The following ADCY5 variants were observed in gnomAD, a reference collection of about 807,000 sequenced individuals.
ADCY5 encodes adenylate cyclase type 5.
In ADCY5, 30 loss-of-function variants were observed where a neutral mutation model predicts 119.7. The observed-to-expected ratio is 0.25, with a 90% CI of 0.19 to 0.34. The LOEUF is 0.34. ADCY5 is among the 10% of genes least tolerant of loss of function. The probability of loss-of-function intolerance (pLI) is 1.00; values close to 1 mark genes in which losing one functional copy is unlikely to be tolerated. For synonymous variants in ADCY5, 753 were observed against 762.2 expected (o/e 0.99, Z 0.20); for missense variants, 1,324 against 1,775.2 (o/e 0.75, Z 4.57).
At chr3:123,418,337 T>A (rs1945228502) in intron 1 of ADCY5, among the ~76,000 whole-genome samples, 1 of 152,228 alleles carries the variant, frequency 6.6e-6, no homozygotes. Flanking sequence ...AGAAAATCGC[T>A]GCCTTAGTAC....
At chr3:123,291,471 C>T (rs1939145455) in intron 17 of ADCY5, 95 bp from the exon 18 acceptor site, 1 of 1,478,416 alleles carries the variant, frequency 6.8e-7, no homozygotes, top group Non-Finnish European at 9.1e-7. Context: ...AGAAAAAGCA[C>T]CAGTCACGCA....
At chr3:123,298,152 A>T (rs1939634254) in intron 15 of ADCY5, among the ~76,000 whole-genome samples, 2 of 152,144 alleles carry the variant, frequency 1.3e-5, no homozygotes, top group Admixed American at 1.3e-4. Flanking sequence ...GGTGCATGCC[A>T]CCACACCTGG....
rs1240856266 is a variant in ADCY5 at position 123,425,460 on chromosome 3, G to A, written c.1134+21952C>T. 2.6e-5 allele frequency among the ~76,000 whole-genome samples: 4 copies of A among 152,308 alleles called. No individual in the cohort carries two copies. The East Asian group carries it at 7.7e-4, about 29-fold the overall frequency. The stretch of plus-strand genomic sequence containing the variant: ...TGAGGCCTCTGGTGGTCTGTGGGTG[G>A]TTTCATTGTGTTCCACTGCATGTGT... On this transcript the variant is annotated intron_variant, in intron 1 of 20. Coordinates refer to ENST00000462833, the MANE Select transcript of ADCY5 (RefSeq NM_183357.3).
chr3:123,420,535 T>C (rs768933422), intron 1 of ADCY5, among the ~76,000 whole-genome samples: 6 of 152,160 alleles, frequency 3.9e-5, no homozygotes, highest in Non-Finnish European at 7.4e-5. Flanking sequence ...GCCCTACAGA[T>C]GGCCGCATCT....
intron 2 of ADCY5, among the ~76,000 whole-genome samples, chr3:123,348,143 C>T (rs1199134669): frequency 6.6e-6 from 1 of 151,730 alleles, no homozygotes; most frequent in Non-Finnish European, 1.5e-5. Flanking sequence ...ATCCTTCCGC[C>T]TCCCTCGCCA....
chr3:123,382,309 C>T (rs1944059161), intron 1 of ADCY5, among the ~76,000 whole-genome samples: 2 of 152,170 alleles, frequency 1.3e-5, no homozygotes, highest in Non-Finnish European at 2.9e-5. Context: ...AACCTCCAGG[C>T]ATTGCTGGTG....
rs781485304 is a variant in ADCY5 at position 123,318,064 on chromosome 3, G to A, written c.2310C>T (p.Leu770=). 7.4e-6 allele frequency: 12 copies of A among 1,613,902 alleles called. No homozygotes were observed. The highest frequency in any genetic ancestry group is 1.1e-5 in the South Asian group (1 of 91,056). The stretch of plus-strand genomic sequence containing the variant: ...GGACAAAGCAGATGAAGAGGAAGAC[G>A]AGCGAGGCACACGCCACATAGGCAC... The part of the protein sequence containing the change: ...RFGAYVACAS[L]VFLFICFVQI... The change falls in exon 11 of 21, where the codon CTC becomes CTT. Residue 770 remains leucine, a synonymous_variant. Coordinates refer to ENST00000462833, the MANE Select transcript of ADCY5 (RefSeq NM_183357.3).
At chr3:123,395,911 G>C (rs1381769289) in intron 1 of ADCY5, among the ~76,000 whole-genome samples, 1 of 146,180 alleles carries the variant, frequency 6.8e-6, no homozygotes, top group Non-Finnish European at 1.5e-5. Flanking sequence ...GAGAGAAAGA[G>C]AGAAAGAAAG....
At chr3:123,413,058 G>A (rs531675943) in intron 1 of ADCY5, among the ~76,000 whole-genome samples, 3 of 152,304 alleles carry the variant, frequency 2.0e-5, no homozygotes, top group South Asian at 2.1e-4. Flanking sequence ...GCAGACACAG[G>A]CTTCATGACG....
At position 123,303,167 on chromosome 3, in the gene ADCY5, ATGT is replaced by A. The variant is rs1224616710; in HGVS notation, c.2609_2611del (p.Asn870del). 2 of 1,613,686 alleles carry A rather than the reference ATGT, an allele frequency of 1.2e-6. No individual in the cohort carries two copies. The highest frequency in any genetic ancestry group is 1.7e-6 in the Non-Finnish European group (2 of 1,180,020). Reference sequence around the variant, plus strand: ...ACACGCGTTGACCTGGCTCGCGCTGATGTTGTGCTCCTGTGCCAAGCAGCCCAG... The same window carrying A: ...ACACGCGTTGACCTGGCTCGCGCTGATGTGCTCCTGTGCCAAGCAGCCCAG... On this transcript the variant is annotated inframe_deletion, in exon 14 of 21. Transcript: ENST00000462833.
intron 5 of ADCY5, among the ~76,000 whole-genome samples, chr3:123,329,454 C>T (rs549603554): frequency 1.4e-3 from 211 of 152,256 alleles, no homozygotes; most frequent in African/African-American, 4.8e-3. Context: ...GCAGGCCCTC[C>T]GTATGCACTT....
At chr3:123,422,202 A>G (rs1945315371) in intron 1 of ADCY5, among the ~76,000 whole-genome samples, 1 of 152,168 alleles carries the variant, frequency 6.6e-6, no homozygotes, top group African/African-American at 2.4e-5. Context: ...TTCTCTCGGC[A>G]AAGTGGCACC....
intron 5 of ADCY5, among the ~76,000 whole-genome samples, chr3:123,330,179 G>A (rs550614312): frequency 3.9e-5 from 6 of 152,288 alleles, no homozygotes; most frequent in Admixed American, 1.3e-4. Context: ...CCAAACCAAC[G>A]GACCCGGCTG....
rs77636820 is a variant in ADCY5 at position 123,312,240 on chromosome 3, A to T, written c.2442+1995T>A. ...ATGCGCAGCTTTGATTCTGATTTGA[A>T]TGGGCTAATTAAGTACCTGAAAGAA... On this transcript the variant is annotated intron_variant, in intron 12 of 20. Transcript: ENST00000462833. 6.8e-3 allele frequency among the ~76,000 whole-genome samples: 1,039 copies of T among 152,350 alleles called. 18 individuals are homozygous for T. Among genetic ancestry groups the T allele is most frequent in the African/African-American group, 0.024 (996 of 41,584 alleles).
At chr3:123,439,628 C>T (rs1376756836) in intron 1 of ADCY5, among the ~76,000 whole-genome samples, 1 of 121,958 alleles carries the variant, frequency 8.2e-6, no homozygotes, top group Non-Finnish European at 1.7e-5. Context: ...CGATTTTAGG[C>T]ATCCACTGGG....
rs778683044 is a variant in ADCY5, at chr3:123,325,412, G to A, written c.1998C>T (p.Ser666=). The A allele has an allele frequency of 3.3e-5, 53 of 1,614,070 alleles. No individual in the cohort carries two copies. The highest frequency in any genetic ancestry group is 1.2e-5 in the Non-Finnish European group (14 of 1,180,030). ...IAKMNRQRTN[S]IGHNPPHWGA... ...CCCAGTGTGGTGGGTTGTGCCCGAT[G>A]GAGTTGGTTCTCTGGCGGTTCATCT... The change falls in exon 8 of 21, where the codon TCC becomes TCT. Residue 666 remains serine (S), a synonymous_variant. Coordinates refer to ENST00000462833, the MANE Select transcript of ADCY5 (RefSeq NM_183357.3).
chr3:123,423,414 C>G (rs920774959), intron 1 of ADCY5, among the ~76,000 whole-genome samples: 1 of 152,226 alleles, frequency 6.6e-6, no homozygotes, highest in Non-Finnish European at 1.5e-5. Context: ...CCAGCTACAG[C>G]CTTGAGGCCT....
At chr3:123,297,087 A>G in intron 16 of ADCY5, 2 of 1,517,048 alleles carry the variant, frequency 1.3e-6, no homozygotes, top group South Asian at 1.2e-5. Context: ...ATGCTTTAAC[A>G]TGAGGCCTAT....
At chr3:123,400,899 A>G (rs1288109780) in intron 1 of ADCY5, among the ~76,000 whole-genome samples, 2 of 152,186 alleles carry the variant, frequency 1.3e-5, no homozygotes, top group African/African-American at 2.4e-5. Flanking sequence ...AGCCGAGATC[A>G]CGCCACTGCA....
Sources: allele counts gnomAD v4.1 joint callset (sites outside exome capture counted in the v4.1 genomes callset), GRCh38; gene constraint gnomAD v4.1.1; transcripts MANE v1.5; gene names NCBI Gene and HGNC (gene_info 2026-07-23, HGNC 2026-07-21).